TBC1D22B: variants seen among roughly 807,000 people sequenced by gnomAD.
TBC1D22B encodes the protein TBC1 domain family member 22B.
In TBC1D22B, 32 loss-of-function variants were observed where a neutral mutation model predicts 69.1. That is an observed-to-expected ratio of 0.46 (90% CI 0.35 to 0.62). The LOEUF (loss-of-function observed/expected upper bound fraction) is 0.62. Ranked by LOEUF, TBC1D22B falls within the 20% of genes least tolerant of loss-of-function variation. The probability of loss-of-function intolerance (pLI) is 0.00; values close to 1 mark genes in which losing one functional copy is unlikely to be tolerated. For missense variants in TBC1D22B, 462 were observed against 630.9 expected, an observed-to-expected ratio of 0.73 and a Z score of 2.87; for synonymous variants, 206 against 229.8, an observed-to-expected ratio of 0.90 and a Z score of 0.94.
intron 8 of TBC1D22B, among the ~76,000 whole-genome samples, chr6:37,307,841 T>C (rs1767783983): frequency 6.6e-6 from 1 of 152,158 alleles, no homozygotes. Context: ...CATCTAGAAA[T>C]TGTCCTGAGA....
At chr6:37,313,716 C>G in intron 9 of TBC1D22B, 100 bp from the exon 10 acceptor site, 1 of 1,136,320 alleles carries the variant, frequency 8.8e-7, no homozygotes, top group Non-Finnish European at 1.3e-6. Context: ...TTGGTACTAG[C>G]TTTGGAAAAT....
chr6:37,283,785 G>A (rs1168328700), intron 5 of TBC1D22B, among the ~76,000 whole-genome samples: 2 of 152,212 alleles, frequency 1.3e-5, no homozygotes, highest in African/African-American at 2.4e-5. Flanking sequence ...GGCTAGGCCG[G>A]GGGCTGCTGC....
intron 3 of TBC1D22B, among the ~76,000 whole-genome samples, chr6:37,279,921 C>T (rs1434003959): frequency 6.6e-6 from 1 of 152,244 alleles, no homozygotes; most frequent in Non-Finnish European, 1.5e-5. Context: ...GATTGCTTCA[C>T]ATTGCTTTAG....
intron 5 of TBC1D22B, 142 bp from the exon 6 acceptor site, chr6:37,284,194 T>A: frequency 7.9e-7 from 1 of 1,266,516 alleles, no homozygotes; most frequent in African/African-American, 1.5e-5. Context: ...GGGCAAAAAA[T>A]GGGTGGCCAG....
rs1046362168 is a variant in TBC1D22B, at chr6:37,280,916, C to T, written c.422-1269C>T. 1.3e-4 allele frequency among the ~76,000 whole-genome samples: 20 copies of T among 151,172 alleles called. 1 individual carries two copies. The highest frequency in any genetic ancestry group is 4.6e-4 in the African/African-American group (19 of 40,956). ...CTGTAAATAGGTAATATGAAATTTA[C>T]CTCTGTCTCAGCTTTGCAGTGTGTG... On this transcript the variant is annotated intron_variant, in intron 3 of 12. Transcript: ENST00000373491.
At chr6:37,295,542 C>T in intron 8 of TBC1D22B, 3 of 375,888 alleles carry the variant, frequency 8.0e-6, no homozygotes, top group South Asian at 7.2e-5. Context: ...ATAACTTCTG[C>T]TGGCATGTCT....
In TBC1D22B at chr6:37,287,063, T is replaced by G. The variant is rs1767028941; in HGVS notation, c.858T>G (p.Leu286=). Reference sequence around the variant, plus strand: ...TCATTCCGTTGTTCCAGCAACCACTTGTACAGGAGGTGAGGGAATTACTTA... The same window carrying G: ...TCATTCCGTTGTTCCAGCAACCACTGGTACAGGAGGTGAGGGAATTACTTA... ...NPLIPLFQQP[L]VQEIFERILF... Residue 286 remains leucine, a synonymous_variant, in exon 7 of 13, where the codon CTT becomes CTG. Transcript: ENST00000373491. The G allele has an allele frequency of 1.2e-6, 2 of 1,603,728 alleles. No homozygotes were observed. Among genetic ancestry groups the G allele is most frequent in the Non-Finnish European group, 1.7e-6 (2 of 1,176,304 alleles).
chr6:37,282,046 C>A (rs1766849491), intron 3 of TBC1D22B, 139 bp from the exon 4 acceptor site: 1 of 919,272 alleles, frequency 1.1e-6, no homozygotes, highest in African/African-American at 1.7e-5. Context: ...CGCTGCCCTT[C>A]AGCTGGGCAC....
At chr6:37,313,310 A>C (rs1364795144) in intron 9 of TBC1D22B, among the ~76,000 whole-genome samples, 2 of 152,022 alleles carry the variant, frequency 1.3e-5, no homozygotes, top group African/African-American at 2.4e-5. Flanking sequence ...GGCAACATAG[A>C]GAGACCCCTT....
intron 1 of TBC1D22B, among the ~76,000 whole-genome samples, chr6:37,261,392 A>C (rs1766096657): frequency 6.9e-6 from 1 of 144,196 alleles, no homozygotes; most frequent in African/African-American, 2.6e-5. Flanking sequence ...AGATTGCGTC[A>C]CTCCACTCCA....
At position 37,317,321 on chromosome 6, in the gene TBC1D22B, A is replaced by G. The variant is rs570656497; in HGVS notation, c.1389+115A>G. On this transcript the variant is annotated intron_variant, in intron 12 of 12. Transcript: ENST00000373491. ...AGCAGGTACCTGGCTGGGAGTAGGA[A>G]GGGAGAAGGGGTGCTCTGAAGGGGT... The G allele has an allele frequency of 2.1e-5, 22 of 1,037,484 alleles. 1 individual carries two copies. The highest frequency in any genetic ancestry group is 3.0e-4 in the Middle Eastern group (1 of 3,300). The allele number at this position is 1,037,484 out of a possible 1,614,324, so 64.3% of individuals were successfully genotyped here.
chr6:37,259,418 G>A (rs575452181), intron 1 of TBC1D22B, among the ~76,000 whole-genome samples: 6 of 152,058 alleles, frequency 3.9e-5, no homozygotes, highest in South Asian at 2.1e-4. Flanking sequence ...GGGGTTTTCC[G>A]TAGTGAGATC....
At chr6:37,273,130 G>C (rs1766546471) in intron 2 of TBC1D22B, among the ~76,000 whole-genome samples, 1 of 149,538 alleles carries the variant, frequency 6.7e-6, no homozygotes, top group Non-Finnish European at 1.5e-5. Context: ...GTTTGAATGT[G>C]GTAGTGTGAG....
chr6:37,328,266 C>A (rs1258464155), intron 12 of TBC1D22B, among the ~76,000 whole-genome samples: 1 of 152,130 alleles, frequency 6.6e-6, no homozygotes, highest in African/African-American at 2.4e-5. Flanking sequence ...GATTGTGCCA[C>A]TGCGTTCCAG....
intron 10 of TBC1D22B, 152 bp from the exon 11 acceptor site, chr6:37,316,551 A>G: frequency 1.3e-6 from 1 of 777,640 alleles, no homozygotes; most frequent in Non-Finnish European, 2.1e-6. Context: ...ATGGAATCAA[A>G]CATAAAGGAC....
At chr6:37,319,045 A>T (rs1016549902) in intron 12 of TBC1D22B, among the ~76,000 whole-genome samples, 1 of 152,082 alleles carries the variant, frequency 6.6e-6, no homozygotes, top group Non-Finnish European at 1.5e-5. Context: ...GAGCATTACC[A>T]CTCTGTGATT....
chr6:37,297,994 A>G (rs1447592427), intron 8 of TBC1D22B, among the ~76,000 whole-genome samples: 2 of 152,202 alleles, frequency 1.3e-5, no homozygotes, highest in African/African-American at 4.8e-5. Context: ...GAGTTGAACA[A>G]TGAGAACACA....
intron 1 of TBC1D22B, among the ~76,000 whole-genome samples, chr6:37,266,394 A>G (rs1014000546): frequency 2.0e-5 from 3 of 152,172 alleles, no homozygotes; most frequent in African/African-American, 4.8e-5. Context: ...GGTGTCATAC[A>G]TGTAGTTCTG....
intron 6 of TBC1D22B, among the ~76,000 whole-genome samples, chr6:37,285,477 A>G (rs1245124679): frequency 3.3e-5 from 5 of 151,372 alleles, no homozygotes; most frequent in Non-Finnish European, 7.4e-5. Context: ...GGCATGTGCC[A>G]CCAGGCCCGG....
Sources: gnomAD v4.1 joint callset for allele counts (sites outside exome capture counted in the v4.1 genomes callset) on GRCh38, gnomAD v4.1.1 for gene constraint, MANE v1.5 for transcripts, NCBI Gene and HGNC (gene_info 2026-07-23, HGNC 2026-07-21) for gene names.